The following USP34 variants were observed in gnomAD, a reference collection of about 807,000 sequenced individuals.
The protein encoded by USP34 is ubiquitin carboxyl-terminal hydrolase 34.
USP34 carries 70 observed loss-of-function variants against 460.3 expected under a neutral mutation model. The ratio of observed to expected loss-of-function variants is 0.15; its 90% CI spans 0.13 to 0.19. The LOEUF is 0.19. USP34 is among the 10% of genes least tolerant of loss of function. The probability of loss-of-function intolerance (pLI) is 1.00; values close to 1 mark genes in which losing one functional copy is unlikely to be tolerated. For synonymous variants in USP34, 1,647 were observed against 1,405.3 expected (o/e 1.17, Z -3.85); for missense variants, 3,985 against 4,236.2 (o/e 0.94, Z 1.65).
At chr2:61,336,671 G>A (rs1346585761) in intron 18 of USP34, among the ~76,000 whole-genome samples, 7 of 151,598 alleles carry the variant, frequency 4.6e-5, no homozygotes, top group Non-Finnish European at 7.4e-5. Flanking sequence ...TTAGCTGGGC[G>A]TGGTGGTGCA....
chr2:61,242,356 TC>T (rs1200547218), intron 51 of USP34, among the ~76,000 whole-genome samples: 1 of 152,014 alleles, frequency 6.6e-6, no homozygotes, highest in Non-Finnish European at 1.5e-5. Flanking sequence ...AATGGTTTTG[TC>T]AGTACACACT....
Position 61,190,376 on chromosome 2 carries a change from A to C in USP34, c.9768T>G (p.Asn3256Lys). Residue 3256 changes from asparagine (N) to lysine (K), a missense_variant, in exon 78 of 80, where the codon AAT (asparagine) becomes AAG (lysine). Asn to Lys is a moderately conservative substitution (Grantham distance 94, BLOSUM62 0). Transcript: ENST00000398571. ...AGTTTGTAATAAGAGTGCTGATCAA[A>C]TTGGCACAGTTTGCTTCAGAAAACA... Reference protein sequence around the residue: ...SQVFSEANCANLISTLITNLI... With the variant: ...SQVFSEANCAKLISTLITNLI... The C allele has an allele frequency of 6.2e-7, 1 of 1,612,182 alleles. No homozygotes were observed. Among genetic ancestry groups the C allele is most frequent in the Non-Finnish European group, 8.5e-7 (1 of 1,179,458 alleles).
At chr2:61,244,908 C>T (rs550779472) in intron 51 of USP34, among the ~76,000 whole-genome samples, 1 of 152,216 alleles carries the variant, frequency 6.6e-6, no homozygotes, top group Admixed American at 6.5e-5. Context: ...GCTCTGATCC[C>T]ACAGAATTCA....
intron 2 of USP34, among the ~76,000 whole-genome samples, chr2:61,408,745 A>G (rs1179043868): frequency 6.6e-6 from 1 of 152,090 alleles, no homozygotes; most frequent in Non-Finnish European, 1.5e-5. Context: ...AAAATAAAAA[A>G]TTAGACGGGC....
At chr2:61,382,123 C>G (rs371836765) in intron 6 of USP34, among the ~76,000 whole-genome samples, 84 of 152,264 alleles carry the variant, frequency 5.5e-4, no homozygotes, top group African/African-American at 2.0e-3. Context: ...AATATATAAA[C>G]CTTTCAATTG....
rs977671426 is a variant in USP34 at position 61,260,451 on chromosome 2, A to G, written c.5779-675T>C. Among the ~76,000 whole-genome samples the G allele has an allele frequency of 5.3e-5, 8 of 152,310 alleles. No homozygotes were observed. The South Asian group carries it at 1.0e-3, about 20-fold the overall frequency. ...TTCTTATTACAAATTATTACCTCTCATAACTTTGAAAGTCTTGTGGAATAA... is the reference window on the plus strand; with the variant it reads ...TTCTTATTACAAATTATTACCTCTCGTAACTTTGAAAGTCTTGTGGAATAA... On this transcript the variant is annotated intron_variant, in intron 43 of 79. Coordinates refer to ENST00000398571, the MANE Select transcript of USP34 (RefSeq NM_014709.4).
intron 5 of USP34, among the ~76,000 whole-genome samples, chr2:61,389,945 G>A (rs144914359): frequency 6.6e-6 from 1 of 151,980 alleles, no homozygotes; most frequent in East Asian, 1.9e-4. Context: ...GTGCAAAGTG[G>A]CATCATGAAA....
At chr2:61,337,431 A>G (rs1472533016) in intron 18 of USP34, among the ~76,000 whole-genome samples, 1 of 151,948 alleles carries the variant, frequency 6.6e-6, no homozygotes, top group Non-Finnish European at 1.5e-5. Flanking sequence ...AGCTATGCAA[A>G]GAATACGTAG....
chr2:61,281,059 G>T (rs1007570869), intron 38 of USP34, 31 bp downstream of exon 38: 6 of 1,591,824 alleles, frequency 3.8e-6, no homozygotes, highest in Non-Finnish European at 5.1e-6. Context: ...TTCAAAAATA[G>T]AAACTGCTTC....
rs1558454885 is a variant in USP34, at chr2:61,188,465, G to A, written c.10278C>T (p.Asp3426=). 3 of 1,614,182 alleles carry A rather than the reference G, an allele frequency of 1.9e-6. No individual in the cohort carries two copies. Among genetic ancestry groups the A allele is most frequent in the Middle Eastern group, 3.3e-4 (2 of 6,062 alleles). Residue 3426 remains aspartate (D), a synonymous_variant, in exon 80 of 80, where the codon GAC becomes GAT. Coordinates refer to ENST00000398571, the MANE Select transcript of USP34 (RefSeq NM_014709.4). The stretch of plus-strand genomic sequence containing the variant: ...CATGCTGTGACCTGATATTTGACAT[G>A]TCTTCTGAAAACGAAGATGGAACTT... ...RMEVPSSFSE[D]MSNIRSQHAE...
In USP34 at chr2:61,221,566, T is replaced by C; in HGVS notation, c.7835A>G (p.Glu2612Gly). 3 of 1,614,070 alleles carry C rather than the reference T, an allele frequency of 1.9e-6. No homozygotes were observed. Among genetic ancestry groups the C allele is most frequent in the Non-Finnish European group, 2.5e-6 (3 of 1,179,962 alleles). The change falls in exon 66 of 80, where the codon GAG becomes GGG. Residue 2612 changes from glutamate to glycine, a missense_variant. By Grantham distance (98) the Glu-to-Gly change is moderately conservative (BLOSUM62 -2). Around this residue, in one of 14 missense-constraint regions of USP34, gnomAD observed 604 missense variants for 684.8 expected, o/e 0.88. Transcript: ENST00000398571. ...PFFKLLTMLM[E>G]FAGGPPGMPP... ...CATTCCTGGAGGTCCACCAGCAAAC[T>C]CCATTAGCATAGTCAACAACTTAAA...
intron 10 of USP34, among the ~76,000 whole-genome samples, chr2:61,356,258 C>A (rs1189894858): frequency 3.3e-5 from 5 of 151,676 alleles, no homozygotes; most frequent in Non-Finnish European, 5.9e-5. Context: ...GAGGCCAAGG[C>A]GGGTGGATCA....
intron 1 of USP34, among the ~76,000 whole-genome samples, chr2:61,441,905 T>C (rs189931926): frequency 2.0e-5 from 3 of 146,656 alleles, no homozygotes; most frequent in African/African-American, 7.5e-5. Flanking sequence ...CAAAACAGCA[T>C]GGTACTGACA....
chr2:61,345,755 C>T (rs929475574), intron 15 of USP34, among the ~76,000 whole-genome samples: 3 of 152,162 alleles, frequency 2.0e-5, no homozygotes, highest in African/African-American at 4.8e-5. Flanking sequence ...CCACCTCAGC[C>T]TCCCAATTAT....
intron 5 of USP34, among the ~76,000 whole-genome samples, chr2:61,386,372 G>A (rs1300421548): frequency 1.3e-5 from 2 of 152,098 alleles, no homozygotes; most frequent in African/African-American, 4.8e-5. Context: ...AAAAGAAAAT[G>A]AATCTTAATC....
intron 5 of USP34, among the ~76,000 whole-genome samples, chr2:61,394,533 C>CAAAAAAAAAAAAAAAAAAAAA (rs200686763): frequency 9.1e-6 from 1 of 110,062 alleles, no homozygotes; most frequent in Non-Finnish European, 1.9e-5. Flanking sequence ...CCCTCTCTCT[C>CAAAAAAAAAAAAAAAAAAAAA]AAAAAAAAAA....
chr2:61,467,776 C>G (rs1695820940), intron 1 of USP34, among the ~76,000 whole-genome samples: 1 of 151,782 alleles, frequency 6.6e-6, no homozygotes, highest in Non-Finnish European at 1.5e-5. Context: ...GCCTACACCA[C>G]CACACCCGGC....
At chr2:61,417,281 A>G (rs1404315715) in intron 2 of USP34, 5 of 894,426 alleles carry the variant, frequency 5.6e-6, no homozygotes, top group Non-Finnish European at 9.1e-6. Context: ...CCTATACAAC[A>G]AACAGGCCGC....
chr2:61,468,763 G>T (rs572305883), intron 1 of USP34, among the ~76,000 whole-genome samples: 2 of 152,232 alleles, frequency 1.3e-5, no homozygotes, highest in Non-Finnish European at 2.9e-5. Context: ...TAAATGCACT[G>T]CATTTTTCAG....
Sources: allele counts gnomAD v4.1 joint callset (sites outside exome capture counted in the v4.1 genomes callset), GRCh38; gene constraint gnomAD v4.1.1; regional missense constraint gnomAD v4.1.1; transcripts MANE v1.5; gene names NCBI Gene and HGNC (gene_info 2026-07-23, HGNC 2026-07-21).